Variants in ENPP1 observed in about 807,000 individuals in gnomAD.
ENPP1 encodes the protein ectonucleotide pyrophosphatase/phosphodiesterase family member 1.
ENPP1 carries 73 observed loss-of-function variants against 122.8 expected under a neutral mutation model. The observed-to-expected ratio is 0.59, with a 90% CI of 0.49 to 0.72. The LOEUF (loss-of-function observed/expected upper bound fraction) is 0.72. ENPP1 is among the 30% of genes least tolerant of loss of function. The pLI is 0.00. For synonymous variants in ENPP1, 367 were observed against 391.6 expected, an observed-to-expected ratio of 0.94 and a Z score of 0.74; for missense variants, 978 against 1,128.1, an observed-to-expected ratio of 0.87 and a Z score of 1.91.
At chr6:131,819,541 T>C (rs1781457882) in intron 1 of ENPP1, among the ~76,000 whole-genome samples, 2 of 152,234 alleles carry the variant, frequency 1.3e-5, no homozygotes, top group Admixed American at 6.5e-5. Context: ...TACTTACTTA[T>C]TGAAACTATA....
At position 131,842,485 on chromosome 6, in the gene ENPP1, AT is replaced by A. The variant is rs76002290; in HGVS notation, c.241-5279del. Among the ~76,000 whole-genome samples, 1,255 of 146,320 alleles carry A rather than the reference AT, an allele frequency of 8.6e-3. 21 individuals carry two copies. The highest frequency in any genetic ancestry group is 0.047 in the Admixed American group (697 of 14,692). Reference sequence around the variant, plus strand: ...TGACATTAGGACTTCACTGCAAATTATTTTTTTTTTTTGTATTTCCCCACAG... The same window carrying A: ...TGACATTAGGACTTCACTGCAAATTATTTTTTTTTTTGTATTTCCCCACAG... On this transcript the variant is annotated intron_variant, in intron 1 of 24. Transcript: ENST00000647893.
intron 5 of ENPP1, among the ~76,000 whole-genome samples, chr6:131,854,046 A>G (rs1363374709): frequency 6.6e-6 from 1 of 152,164 alleles, no homozygotes; most frequent in Non-Finnish European, 1.5e-5. Flanking sequence ...ATATTTAAAT[A>G]TAGTATCTCT....
At chr6:131,816,523 A>T (rs1376136724) in intron 1 of ENPP1, among the ~76,000 whole-genome samples, 1 of 152,198 alleles carries the variant, frequency 6.6e-6, no homozygotes, top group Non-Finnish European at 1.5e-5. Context: ...ATAAAAACTA[A>T]GTTATGCATT....
chr6:131,848,420 C>G lies in ENPP1; in HGVS notation c.313+572C>G, dbSNP rs532811277. Among the ~76,000 whole-genome samples the G allele has an allele frequency of 5.9e-5, 9 of 152,214 alleles. No individual in the cohort carries two copies. In the East Asian group the frequency reaches 1.2e-3, roughly 20 times the overall value. On this transcript the variant is annotated intron_variant, in intron 2 of 24. Transcript: ENST00000647893. The stretch of plus-strand genomic sequence containing the variant: ...CTTGTCTTTGAGGTAGTTCCCCCCC[C>G]ATCCTCTCGCAATAAAATCATTGAT...
At chr6:131,823,332 T>A (rs1194504129) in intron 1 of ENPP1, among the ~76,000 whole-genome samples, 2 of 152,180 alleles carry the variant, frequency 1.3e-5, no homozygotes, top group Non-Finnish European at 2.9e-5. Flanking sequence ...TGGGACTCAG[T>A]ATCCTATATG....
chr6:131,872,862 A>T (rs1031556169), intron 14 of ENPP1, 61 bp from the exon 15 acceptor site: 1 of 1,540,464 alleles, frequency 6.5e-7, no homozygotes, highest in Non-Finnish European at 9.0e-7. Context: ...TCCCTAAAAA[A>T]GTTGACACTT....
chr6:131,852,329 CA>C, intron 5 of ENPP1, 94 bp downstream of exon 5: 1 of 791,884 alleles, frequency 1.3e-6, no homozygotes. Flanking sequence ...ATAATAAAAT[CA>C]CTGGTTTATT....
intron 7 of ENPP1, among the ~76,000 whole-genome samples, chr6:131,859,241 T>C (rs1204527994): frequency 6.6e-6 from 1 of 152,190 alleles, no homozygotes; most frequent in Admixed American, 6.5e-5. Flanking sequence ...AGCTTTAGAA[T>C]TGAAGCCAGA....
intron 9 of ENPP1, among the ~76,000 whole-genome samples, chr6:131,862,399 A>G (rs892013449): frequency 3.9e-5 from 6 of 152,162 alleles, no homozygotes; most frequent in Non-Finnish European, 8.8e-5. Context: ...CACTTCCTAG[A>G]CAGATTGGGT....
intron 1 of ENPP1, among the ~76,000 whole-genome samples, chr6:131,847,187 G>T (rs187385115): frequency 6.6e-6 from 1 of 152,108 alleles, no homozygotes; most frequent in African/African-American, 2.4e-5. Flanking sequence ...GTTAAAAGAG[G>T]CATATAATAT....
At position 131,864,548 on chromosome 6, in the gene ENPP1, G is replaced by A. The variant is rs756541266; in HGVS notation, c.1068G>A (p.Trp356Ter). The A allele has an allele frequency of 4.3e-6, 7 of 1,609,536 alleles. No individual in the cohort carries two copies. Among genetic ancestry groups the A allele is most frequent in the Non-Finnish European group, 5.1e-6 (6 of 1,176,304 alleles). The change falls in exon 10 of 25, where the codon TGG becomes TGA. Residue 356 changes from tryptophan (W) to a stop codon, truncating the protein, a stop_gained. Transcript: ENST00000647893. LOFTEE classifies it high-confidence loss of function. ...AAAGGATTTTAGCTGTTCTTCAGTG[G>A]CTACAGCTTCCTAAAGATGAAAGGT... is the stretch of plus-strand genomic sequence containing the variant. ...FEERILAVLQ[W>*]LQLPKDERPH...
In ENPP1 at chr6:131,873,045, T is replaced by A. The variant is rs370605055; in HGVS notation, c.1560T>A (p.Leu520=). The stretch of plus-strand genomic sequence containing the variant: ...TCTATTTGGACCCTCAGTGGCAACT[T>A]GCATTGTAAGTTCTGACAGTCTCCC... ...LTFYLDPQWQ[L]ALNPSERKYC... Residue 520 remains leucine, a synonymous_variant, in exon 15 of 25, where the codon CTT becomes CTA. Transcript: ENST00000647893. The A allele has an allele frequency of 5.0e-6, 8 of 1,613,604 alleles. No individual in the cohort carries two copies. The African/African-American group carries it at 8.0e-5, about 16-fold the overall frequency.
chr6:131,893,553 A>T lies in ENPP1; in HGVS notation c.*3042A>T, dbSNP rs889245052. On this transcript the variant is annotated 3_prime_UTR_variant, in exon 25 of 25. Transcript: ENST00000647893. ...CCATTTACAGCTACTTATATTTTCTACAAGTGTCACTGTGACCAACTTATG... is the reference window on the plus strand; with the variant it reads ...CCATTTACAGCTACTTATATTTTCTTCAAGTGTCACTGTGACCAACTTATG... 6.6e-6 allele frequency: 1 copy of T among 152,230 alleles called. No individual in the cohort carries two copies. The allele number at this position is 152,230 out of a possible 1,614,324, so 9.4% of individuals were successfully genotyped here.
At chr6:131,817,478 T>G (rs1471540940) in intron 1 of ENPP1, among the ~76,000 whole-genome samples, 2 of 152,270 alleles carry the variant, frequency 1.3e-5, no homozygotes, top group East Asian at 1.9e-4. Flanking sequence ...TTCTGGGAGC[T>G]TCCAAAGTAG....
At chr6:131,838,443 G>C (rs530913270) in intron 1 of ENPP1, among the ~76,000 whole-genome samples, 1 of 151,958 alleles carries the variant, frequency 6.6e-6, no homozygotes, top group South Asian at 2.1e-4. Context: ...AAGCTGAGAA[G>C]AAAAAATGCA....
At chr6:131,877,543 T>G in intron 18 of ENPP1, 1 of 206,916 alleles carries the variant, frequency 4.8e-6, no homozygotes, top group Non-Finnish European at 9.9e-6. Flanking sequence ...CAATGTACCT[T>G]TTTAAAAATA....
At position 131,884,941 on chromosome 6, in the gene ENPP1, C is replaced by T; in HGVS notation, c.2322C>T (p.Arg774=). ...PMYQSFQVIW[R]YFHDTLLRKY... Reference sequence around the variant, plus strand: ...TCTATCTTGTTTCAGTTATATGGCGCTACTTTCATGACACCCTACTGCGAA... The same window carrying T: ...TCTATCTTGTTTCAGTTATATGGCGTTACTTTCATGACACCCTACTGCGAA... Residue 774 remains arginine, a synonymous_variant, in exon 23 of 25, where the codon CGC becomes CGT. Coordinates refer to ENST00000647893, the MANE Select transcript of ENPP1 (RefSeq NM_006208.3). The T allele has an allele frequency of 1.2e-6, 2 of 1,614,104 alleles. No homozygotes were observed. The highest frequency in any genetic ancestry group is 2.7e-5 in the African/African-American group (2 of 75,042).
intron 12 of ENPP1, among the ~76,000 whole-genome samples, chr6:131,869,117 G>A (rs1782126098): frequency 6.6e-6 from 1 of 152,126 alleles, no homozygotes. Context: ...CTCACATAAT[G>A]ATATTGTAAT....
chr6:131,840,555 G>C (rs1426180327), intron 1 of ENPP1, among the ~76,000 whole-genome samples: 1 of 152,196 alleles, frequency 6.6e-6, no homozygotes, highest in Non-Finnish European at 1.5e-5. Context: ...CACCAATCTA[G>C]GCATGTTTTG....
Sources: allele counts gnomAD v4.1 joint callset (sites outside exome capture counted in the v4.1 genomes callset), GRCh38; gene constraint gnomAD v4.1.1; transcripts MANE v1.5; gene names NCBI Gene and HGNC (gene_info 2026-07-23, HGNC 2026-07-21).